CACNA1E: variants seen among roughly 807,000 people sequenced by gnomAD.
The protein encoded by CACNA1E is voltage-dependent R-type calcium channel subunit alpha-1E.
In CACNA1E, 40 loss-of-function variants were observed where a neutral mutation model predicts 259.2. That is an observed-to-expected ratio of 0.15 (90% CI 0.12 to 0.20). The LOEUF is 0.20. Ranked by LOEUF, CACNA1E falls within the 10% of genes least tolerant of loss-of-function variation. The pLI, the probability that CACNA1E is intolerant of heterozygous loss-of-function variation, is 1.00. For missense variants in CACNA1E, 1,874 were observed against 3,040.1 expected (o/e 0.62, Z 9.02); for synonymous variants, 1,104 against 1,138.5 (o/e 0.97, Z 0.61).
chr1:181,689,098 G>A lies in CACNA1E; in HGVS notation c.1056-21856G>A, dbSNP rs190871034. On this transcript the variant is annotated intron_variant, in intron 7 of 47. Transcript: ENST00000367573. ...GCCCATCAACCCATCATCTACATTA[G>A]GTATTTCTCCTAATGCTATCCCTCC... Among the ~76,000 whole-genome samples, 146 of 152,126 alleles carry A rather than the reference G, an allele frequency of 9.6e-4. 1 individual carries two copies. Among genetic ancestry groups the A allele is most frequent in the Admixed American group, 6.5e-3 (100 of 15,278 alleles).
At chr1:181,679,486 A>G (rs1025996097) in intron 7 of CACNA1E, among the ~76,000 whole-genome samples, 1 of 152,208 alleles carries the variant, frequency 6.6e-6, no homozygotes, top group Non-Finnish European at 1.5e-5. Context: ...CTGGGCAGCC[A>G]GGGGGCAGAT....
At chr1:181,797,513 G>A (rs192627153) in intron 47 of CACNA1E, among the ~76,000 whole-genome samples, 475 of 152,318 alleles carry the variant, frequency 3.1e-3, no homozygotes, top group Non-Finnish European at 5.1e-3. Context: ...CAGTCGAGAG[G>A]TTTCCCTTCT....
chr1:181,754,164 G>A (rs1452835123), intron 27 of CACNA1E, among the ~76,000 whole-genome samples: 1 of 152,214 alleles, frequency 6.6e-6, no homozygotes, highest in Non-Finnish European at 1.5e-5. Context: ...CAAGGAGAGT[G>A]CAGACAAGCT....
chr1:181,482,020 G>T (rs1215770924), upstream of CACNA1E, among the ~76,000 whole-genome samples: 1 of 152,146 alleles, frequency 6.6e-6, no homozygotes, highest in Non-Finnish European at 1.5e-5. Context: ...AGCGGAACCG[G>T]GAGGCCGCCC....
At position 181,798,200 on chromosome 1, in the gene CACNA1E, A is replaced by G. The variant is rs1661975454; in HGVS notation, c.6400-92A>G. 1 of 1,074,286 alleles carries G rather than the reference A, an allele frequency of 9.3e-7. No individual in the cohort carries two copies. The highest frequency in any genetic ancestry group is 2.2e-5 in the Admixed American group (1 of 45,258). The allele number at this position is 1,074,286 out of a possible 1,614,324, so 66.5% of individuals were successfully genotyped here. A position where few individuals can be genotyped will look rare whatever the true frequency, so the allele number is the denominator to read the frequency against. On this transcript the variant is annotated intron_variant, in intron 47 of 47. Coordinates refer to ENST00000367573, the MANE Select transcript of CACNA1E (RefSeq NM_001205293.3). This position sits in a 1 kb window ranked among gnomAD's most constrained non-coding sequence, Gnocchi z 4.2. The stretch of plus-strand genomic sequence containing the variant: ...GCTCCAGCTCAGGCCTCTCCCTGAC[A>G]GAATTCAGATTCCAAGGACTCTCTT...
chr1:181,616,320 T>G (rs1007933691), intron 6 of CACNA1E, among the ~76,000 whole-genome samples: 1 of 147,638 alleles, frequency 6.8e-6, no homozygotes, highest in Admixed American at 6.9e-5. Flanking sequence ...TTGGAGGTTT[T>G]TTGTTTGTTT....
intron 7 of CACNA1E, among the ~76,000 whole-genome samples, chr1:181,675,503 A>C (rs1300921733): frequency 5.3e-5 from 8 of 152,038 alleles, no homozygotes; most frequent in African/African-American, 1.9e-4. Context: ...AGAGAAGGGG[A>C]TGGGGAAGGA....
At chr1:181,717,956 T>C in intron 11 of CACNA1E, 99 bp from the exon 12 acceptor site, 1 of 649,668 alleles carries the variant, frequency 1.5e-6, no homozygotes, top group South Asian at 1.8e-5. Context: ...TGTCCTGACG[T>C]GTGTTGTTGT....
intron 7 of CACNA1E, among the ~76,000 whole-genome samples, chr1:181,675,562 A>T (rs969319652): frequency 6.6e-6 from 1 of 152,242 alleles, no homozygotes; most frequent in Non-Finnish European, 1.5e-5. Flanking sequence ...TGAAAATTCT[A>T]GTTGCCATGA....
intron 4 of CACNA1E, among the ~76,000 whole-genome samples, chr1:181,578,382 C>T (rs1651185173): frequency 1.3e-5 from 2 of 152,052 alleles, no homozygotes; most frequent in Admixed American, 6.5e-5. Context: ...TGGTGAAACC[C>T]CATCTCCACA....
At chr1:181,752,074 C>T in intron 26 of CACNA1E, 69 bp from the exon 27 acceptor site, 2 of 1,080,580 alleles carry the variant, frequency 1.9e-6, no homozygotes, top group Non-Finnish European at 2.9e-6. Flanking sequence ...GTTACTAATG[C>T]CATAGTTTGA....
chr1:181,508,547 G>A (rs1345942850), intron 1 of CACNA1E, among the ~76,000 whole-genome samples: 1 of 152,204 alleles, frequency 6.6e-6, no homozygotes, highest in Non-Finnish European at 1.5e-5. Flanking sequence ...CTGTTCAGAA[G>A]GCTTATGGGA....
intron 2 of CACNA1E, among the ~76,000 whole-genome samples, chr1:181,461,792 A>T (rs1661835070): frequency 6.6e-6 from 1 of 151,574 alleles, no homozygotes; most frequent in Admixed American, 6.6e-5. Flanking sequence ...TTGGGAAATT[A>T]CAAAAGTATT....
intron 1 of CACNA1E, among the ~76,000 whole-genome samples, chr1:181,356,295 C>T (rs915204302): frequency 3.3e-5 from 5 of 152,136 alleles, no homozygotes; most frequent in Non-Finnish European, 7.4e-5. Context: ...AGAAAAGTAG[C>T]AGGACTCTCT....
At chr1:181,435,705 G>A (rs908678386) in intron 2 of CACNA1E, among the ~76,000 whole-genome samples, 2 of 152,080 alleles carry the variant, frequency 1.3e-5, no homozygotes, top group African/African-American at 4.8e-5. Flanking sequence ...GAATGCATCC[G>A]CCTACCTTTC....
chr1:181,743,679 G>A (rs768523981), intron 25 of CACNA1E, among the ~76,000 whole-genome samples: 7 of 152,196 alleles, frequency 4.6e-5, no homozygotes, highest in African/African-American at 9.6e-5. Flanking sequence ...ACACCTGTGC[G>A]TGTGTGTCTT....
At chr1:181,771,975 G>A in intron 36 of CACNA1E, 91 bp from the exon 37 acceptor site, 1 of 1,216,296 alleles carries the variant, frequency 8.2e-7, no homozygotes, top group East Asian at 2.4e-5. Flanking sequence ...GCCCAGACAA[G>A]AGCGAGGATG....
chr1:181,706,517 A>G (rs550251357), intron 7 of CACNA1E, among the ~76,000 whole-genome samples: 1 of 152,360 alleles, frequency 6.6e-6, no homozygotes, highest in Non-Finnish European at 1.5e-5. Flanking sequence ...CAAGCAGTAT[A>G]TCACTAGCTT....
intron 5 of CACNA1E, among the ~76,000 whole-genome samples, chr1:181,579,523 A>G (rs1417769295): frequency 6.6e-6 from 1 of 152,204 alleles, no homozygotes; most frequent in Non-Finnish European, 1.5e-5. Flanking sequence ...TGTCTGAGCC[A>G]GGCATAGTGG....
Sources: allele counts gnomAD v4.1 joint callset (sites outside exome capture counted in the v4.1 genomes callset), GRCh38; gene constraint gnomAD v4.1.1; non-coding constraint Gnocchi (gnomAD v3.1); transcripts MANE v1.5; gene names NCBI Gene and HGNC (gene_info 2026-07-23, HGNC 2026-07-21).